Variants in SORL1 observed in about 807,000 individuals in gnomAD.
The protein encoded by SORL1 is sortilin related receptor 1.
In SORL1, 127 loss-of-function variants were observed where a neutral mutation model predicts 273.7. The ratio of observed to expected loss-of-function variants is 0.46; its 90% CI spans 0.40 to 0.54. SORL1 has a LOEUF of 0.54. Among genes scored for constraint, SORL1 ranks in the 20% least tolerant of loss-of-function variants. SORL1 has a pLI of 0.00. For synonymous variants in SORL1, 1,031 were observed against 1,067.4 expected (o/e 0.97, Z 0.66); for missense variants, 2,494 against 2,846.1 (o/e 0.88, Z 2.81).
At chr11:121,482,003 C>T (rs1181640645) in intron 3 of SORL1, among the ~76,000 whole-genome samples, 1 of 152,322 alleles carries the variant, frequency 6.6e-6, no homozygotes, top group African/African-American at 2.4e-5. Flanking sequence ...TCTCTTCTTC[C>T]CCAGCTTCTT....
Position 121,627,828 on chromosome 11 carries a change from C to A in SORL1, c.6577+61C>A. ...GGGCTGACCCCCACGCAGCCAATGA[C>A]TTGATTAGGAAACACCCACCTTCAG... is the stretch of plus-strand genomic sequence containing the variant. On this transcript the variant is annotated intron_variant, in intron 47 of 47. Coordinates refer to ENST00000260197, the MANE Select transcript of SORL1 (RefSeq NM_003105.6). This position sits in a 1 kb window ranked among gnomAD's most constrained non-coding sequence, Gnocchi z 4.9. 8.0e-7 allele frequency: 1 copy of A among 1,245,740 alleles called. No individual in the cohort carries two copies. Among genetic ancestry groups the A allele is most frequent in the Non-Finnish European group, 1.1e-6 (1 of 878,244 alleles). 77.2% of individuals were successfully genotyped at this position (1,245,740 alleles called of 1,614,324 possible). A position where few individuals can be genotyped will look rare whatever the true frequency, so the allele number is the denominator to read the frequency against.
rs971124499 is a variant in SORL1, at chr11:121,618,838, C to T, written c.5669C>T (p.Thr1890Ile). The T allele has an allele frequency of 6.2e-7, 1 of 1,613,982 alleles. No homozygotes were observed. The change falls in exon 42 of 48, where the codon ACT (threonine) becomes ATT (isoleucine). Residue 1890 changes from threonine (T) to isoleucine (I), a missense_variant. By Grantham distance (89) the Thr-to-Ile change is moderately conservative. Around this residue, in one of 3 missense-constraint regions of SORL1, gnomAD observed 1,609 missense variants for 1,816.4 expected, o/e 0.89. Coordinates refer to ENST00000260197, the MANE Select transcript of SORL1 (RefSeq NM_003105.6). The stretch of plus-strand genomic sequence containing the variant: ...TATCGCAACCCGAAGAGCTTGACTA[C>T]TTCACTCCACAACAAGACGGTCATT... ...DLYRNPKSLTTSLHNKTVIVS... is the reference protein window; with the variant it reads ...DLYRNPKSLTISLHNKTVIVS...
Position 121,596,197 on chromosome 11 carries a change from T to G in SORL1, c.4519+425T>G, listed in dbSNP as rs1353908457. On this transcript the variant is annotated intron_variant, in intron 32 of 47. Transcript: ENST00000260197. The surrounding 1 kb of genome is among the most constrained non-coding windows in gnomAD (Gnocchi z 4.3). ...AGAGGGTTTGCCTCTAGCACCCCAT[T>G]AAGAAAATTCATTCTCAGTCCTTAG... Among the ~76,000 whole-genome samples the G allele has an allele frequency of 6.6e-6, 1 of 152,150 alleles. No homozygotes were observed. Among genetic ancestry groups the G allele is most frequent in the Non-Finnish European group, 1.5e-5 (1 of 68,034 alleles).
Position 121,589,357 on chromosome 11 carries a change from G to A in SORL1, c.4045G>A (p.Asp1349Asn). ...SLIWKCDGMDDCGDYSDEANC... is the reference protein window; with the variant it reads ...SLIWKCDGMDNCGDYSDEANC... ...GATTTGGAAGTGCGACGGGATGGAT[G>A]ATTGCGGCGATTATTCTGATGAAGC... Residue 1349 changes from aspartate (D) to asparagine (N), a missense_variant, in exon 29 of 48, where the codon GAT (aspartate) becomes AAT (asparagine). Asp to Asn is a conservative substitution (Grantham distance 23). This residue lies in a region of SORL1 where 1,609 missense variants were observed against 1,816.4 expected (regional missense o/e 0.89). Coordinates refer to ENST00000260197, the MANE Select transcript of SORL1 (RefSeq NM_003105.6). The A allele has an allele frequency of 6.2e-7, 1 of 1,613,708 alleles. No homozygotes were observed. The highest frequency in any genetic ancestry group is 1.1e-5 in the South Asian group (1 of 91,082).
intron 8 of SORL1, 92 bp from the exon 9 acceptor site, chr11:121,520,565 A>G: frequency 1.2e-6 from 1 of 856,702 alleles, no homozygotes; most frequent in Non-Finnish European, 1.8e-6. Flanking sequence ...ATGCCACAAA[A>G]TTGTATACTT....
intron 11 of SORL1, among the ~76,000 whole-genome samples, chr11:121,531,145 C>T (rs1259649762): frequency 6.6e-6 from 1 of 152,122 alleles, no homozygotes; most frequent in African/African-American, 2.4e-5. Context: ...ATAATCCCAG[C>T]ACTTTGGGAG....
chr11:121,470,184 A>G (rs1383471920), intron 2 of SORL1, 61 bp downstream of exon 2: 2 of 1,057,676 alleles, frequency 1.9e-6, no homozygotes, highest in Non-Finnish European at 3.0e-6. Context: ...TTTCTGGTCC[A>G]CTGGGATTAT....
intron 28 of SORL1, among the ~76,000 whole-genome samples, chr11:121,588,802 G>A (rs944343336): frequency 6.6e-6 from 1 of 152,104 alleles, no homozygotes; most frequent in Non-Finnish European, 1.5e-5. Flanking sequence ...CTCTCTCCCT[G>A]GCCTCATAGA....
In SORL1 at chr11:121,520,635, G is replaced by A. The variant is rs373074769; in HGVS notation, c.1212-22G>A. The A allele has an allele frequency of 5.2e-5, 79 of 1,506,272 alleles. No individual in the cohort carries two copies. The African/African-American group carries it at 1.1e-3, about 20-fold the overall frequency. 93.3% of individuals were successfully genotyped at this position (1,506,272 alleles called of 1,614,324 possible). On this transcript the variant is annotated intron_variant, in intron 8 of 47. Transcript: ENST00000260197. ...AAGCAAATACCAATTCAGGTTCATA[G>A]CTGTTTATTTTCATATTGTAGGTAT...
intron 25 of SORL1, among the ~76,000 whole-genome samples, chr11:121,578,433 G>A (rs963718262): frequency 2.0e-5 from 3 of 152,166 alleles, no homozygotes; most frequent in African/African-American, 7.2e-5. Context: ...GGCATCTGGC[G>A]GCTCAAAGCA....
chr11:121,532,366 T>C, intron 11 of SORL1, 98 bp from the exon 12 acceptor site: 1 of 1,018,570 alleles, frequency 9.8e-7, no homozygotes, highest in Non-Finnish European at 1.5e-6. Context: ...TGCTGTTATG[T>C]CTATGTGCAC....
In SORL1 at chr11:121,588,808, A is replaced by T. The variant is rs543563665; in HGVS notation, c.3947-451A>T. 9.3e-4 allele frequency among the ~76,000 whole-genome samples: 141 copies of T among 152,314 alleles called. 1 individual carries two copies. The highest frequency in any genetic ancestry group is 3.3e-3 in the African/African-American group (138 of 41,560). ...CTCCGAGGCCTCTCTCCCTGGCCTC[A>T]TAGACGGCTGCCTGGCTGCCTTCTC... On this transcript the variant is annotated intron_variant, in intron 28 of 47. Coordinates refer to ENST00000260197, the MANE Select transcript of SORL1 (RefSeq NM_003105.6).
chr11:121,454,085 C>T (rs1228954948), intron 1 of SORL1, among the ~76,000 whole-genome samples: 2 of 152,238 alleles, frequency 1.3e-5, no homozygotes, highest in African/African-American at 4.8e-5. Flanking sequence ...ATCCTTGTCC[C>T]CCTGTCCCCA....
At chr11:121,453,650 T>G (rs1472490917) in intron 1 of SORL1, among the ~76,000 whole-genome samples, 1 of 152,242 alleles carries the variant, frequency 6.6e-6, no homozygotes, top group Non-Finnish European at 1.5e-5. Context: ...CTCACTAATT[T>G]CACTTTAGCC....
chr11:121,482,069 G>T (rs1015129576), intron 3 of SORL1, among the ~76,000 whole-genome samples: 4 of 152,206 alleles, frequency 2.6e-5, no homozygotes, highest in Non-Finnish European at 5.9e-5. Flanking sequence ...CTTGTTGTGG[G>T]TTGTGGTGAA....
At chr11:121,553,573 G>C (rs1405167665) in intron 16 of SORL1, among the ~76,000 whole-genome samples, 1 of 152,218 alleles carries the variant, frequency 6.6e-6, no homozygotes, top group East Asian at 1.9e-4. Flanking sequence ...AGTCACGTGA[G>C]GAGGGAGAAC....
intron 6 of SORL1, among the ~76,000 whole-genome samples, chr11:121,509,814 A>T (rs1385261577): frequency 3.3e-5 from 5 of 152,176 alleles, no homozygotes; most frequent in Non-Finnish European, 5.9e-5. Context: ...ACACAAAATT[A>T]AAAAAAATCT....
Position 121,627,904 on chromosome 11 carries a change from A to G in SORL1, c.6577+137A>G. 1.6e-6 allele frequency: 1 copy of G among 629,180 alleles called. No individual in the cohort carries two copies. The highest frequency in any genetic ancestry group is 2.8e-6 in the Non-Finnish European group (1 of 362,290). 39.0% of individuals were successfully genotyped at this position (629,180 alleles called of 1,614,324 possible). On this transcript the variant is annotated intron_variant, in intron 47 of 47. Coordinates refer to ENST00000260197, the MANE Select transcript of SORL1 (RefSeq NM_003105.6). The surrounding 1 kb of genome is among the most constrained non-coding windows in gnomAD (Gnocchi z 4.9). ...CTTCATCAGCCAGCGATTTGATTCC[A>G]TGAGTTTTGGTTAAACCATTCAGAG...
At chr11:121,517,231 C>T (rs548890006) in intron 8 of SORL1, among the ~76,000 whole-genome samples, 1 of 152,286 alleles carries the variant, frequency 6.6e-6, no homozygotes, top group Non-Finnish European at 1.5e-5. Flanking sequence ...CCGCTTCTCT[C>T]CACCGTCCCC....
Sources: gnomAD v4.1 joint callset for allele counts (sites outside exome capture counted in the v4.1 genomes callset) on GRCh38, gnomAD v4.1.1 for gene constraint, gnomAD v4.1.1 regional missense constraint, Gnocchi (gnomAD v3.1) non-coding constraint, MANE v1.5 for transcripts, NCBI Gene and HGNC (gene_info 2026-07-23, HGNC 2026-07-21) for gene names.